Variants in NOX5 observed in about 807,000 individuals in gnomAD.
The protein encoded by NOX5 is NADPH oxidase, EF-hand calcium binding domain 5.
In NOX5, 76 loss-of-function variants were observed where a neutral mutation model predicts 85.7. The observed-to-expected ratio is 0.89, with a 90% confidence interval of 0.74 to 1.07. NOX5 has a LOEUF of 1.07. Among genes scored for constraint, NOX5 ranks in the 50% least tolerant of loss-of-function variants. The pLI is 0.00. For synonymous variants in NOX5, 405 were observed against 401.4 expected, an observed-to-expected ratio of 1.01 and a Z score of -0.11; for missense variants, 973 against 999.5, an observed-to-expected ratio of 0.97 and a Z score of 0.36.
intron 9 of NOX5, among the ~76,000 whole-genome samples, 191 bp downstream of exon 9, chr15:69,039,180 A>G (rs1371169836): frequency 6.6e-6 from 1 of 152,206 alleles, no homozygotes; most frequent in African/African-American, 2.4e-5. Flanking sequence ...TACCAGCTGC[A>G]CTGAAGTCTT....
intron 5 of NOX5, 106 bp downstream of exon 5, chr15:69,033,383 G>A: frequency 7.7e-7 from 1 of 1,296,058 alleles, no homozygotes; most frequent in East Asian, 2.7e-5. Context: ...GCCAGGGCAG[G>A]GTGGCACCTT....
At chr15:69,028,111 T>C (rs2050382252) in intron 2 of NOX5, 104 bp from the exon 3 acceptor site, 1 of 1,294,830 alleles carries the variant, frequency 7.7e-7, no homozygotes, top group Non-Finnish European at 1.1e-6. Flanking sequence ...CACTCTGTGG[T>C]GCACCCCCCC....
chr15:69,049,261 G>C (rs945278348), intron 14 of NOX5, among the ~76,000 whole-genome samples: 5 of 145,748 alleles, frequency 3.4e-5, no homozygotes, highest in Non-Finnish European at 1.5e-5. Flanking sequence ...GCACGATTAT[G>C]GCTCGCTGCA....
intron 1 of NOX5, among the ~76,000 whole-genome samples, chr15:69,016,807 T>C (rs5022642): frequency 4.2e-5 from 6 of 142,726 alleles, no homozygotes; most frequent in Non-Finnish European, 9.1e-5. Context: ...CATATATATA[T>C]ATACATACAT....
rs1299579685 is a variant in NOX5, at chr15:69,061,657, C to A, written c.*4961C>A. ...GGGGAAAAATACTCAACCTGAATGG[C>A]AGAAATGGCTGGAAAGAGACTTGAC... is the stretch of plus-strand genomic sequence containing the variant. On this transcript the variant is annotated 3_prime_UTR_variant, in exon 16 of 16. Transcript: ENST00000388866. The A allele has an allele frequency of 1.3e-5, 2 of 152,180 alleles. No homozygotes were observed. Among genetic ancestry groups the A allele is most frequent in the Non-Finnish European group, 2.9e-5 (2 of 68,028 alleles). The allele number at this position is 152,180 out of a possible 1,614,324, so 9.4% of individuals were successfully genotyped here. A position where few individuals can be genotyped will look rare whatever the true frequency, so the allele number is the denominator to read the frequency against.
Position 69,031,721 on chromosome 15 carries a change from GC to G in NOX5, c.531del (p.Asp178ThrfsTer27). On this transcript the variant is annotated frameshift_variant, in exon 4 of 16. Coordinates refer to ENST00000388866, the MANE Select transcript of NOX5 (RefSeq NM_024505.4). LOFTEE classifies it high-confidence loss of function. ...DQLTLALFES[A>X]DADGNGAITF... The stretch of plus-strand genomic sequence containing the variant: ...GCTGACGCTGGCGCTCTTCGAATCG[GC>G]CGACGCGGACGGCAACGGGGCCATC... 1 of 1,612,980 alleles carries G rather than the reference GC, an allele frequency of 6.2e-7. No individual in the cohort carries two copies. Among genetic ancestry groups the G allele is most frequent in the Non-Finnish European group, 8.5e-7 (1 of 1,179,736 alleles).
At chr15:69,028,024 G>T (rs901904254) in intron 2 of NOX5, among the ~76,000 whole-genome samples, 191 bp from the exon 3 acceptor site, 3 of 152,164 alleles carry the variant, frequency 2.0e-5, no homozygotes, top group African/African-American at 7.2e-5. Context: ...CATCCTTACT[G>T]CAGGGATCGG....
intron 14 of NOX5, 59 bp downstream of exon 14, chr15:69,049,117 T>TA (rs1199123423): frequency 2.8e-6 from 3 of 1,084,482 alleles, no homozygotes; most frequent in South Asian, 1.6e-5. Flanking sequence ...TCAGCTTCTT[T>TA]AAAAAAATAA....
At chr15:69,031,267 GC>G in intron 3 of NOX5, 1 of 536,422 alleles carries the variant, frequency 1.9e-6, no homozygotes, top group Non-Finnish European at 3.3e-6. Flanking sequence ...TATTTTCTGG[GC>G]AGATAGTCTT....
At chr15:69,043,797 G>A (rs76053437) in intron 10 of NOX5, among the ~76,000 whole-genome samples, 3,510 of 152,150 alleles carry the variant, frequency 0.023, 150 homozygotes, top group African/African-American at 0.08. Context: ...ATAAATTGGC[G>A]CAACTTTCTG....
At chr15:69,037,540 A>G in intron 8 of NOX5, 1 of 278,756 alleles carries the variant, frequency 3.6e-6, no homozygotes, top group South Asian at 5.7e-5. Context: ...AAGGTTCTGC[A>G]CTGTCCTGCT....
chr15:69,047,056 C>A, intron 11 of NOX5, 190 bp downstream of exon 11: 1 of 620,292 alleles, frequency 1.6e-6, no homozygotes. Flanking sequence ...CAAGGGTGCT[C>A]AGCCTCACCC....
chr15:69,040,338 A>G lies in NOX5; in HGVS notation c.1504+1349A>G, dbSNP rs556853374. 4.6e-5 allele frequency among the ~76,000 whole-genome samples: 7 copies of G among 152,388 alleles called. 1 individual carries two copies. The highest frequency in any genetic ancestry group is 1.4e-4 in the African/African-American group (6 of 41,590). On this transcript the variant is annotated intron_variant, in intron 9 of 15. Coordinates refer to ENST00000388866, the MANE Select transcript of NOX5 (RefSeq NM_024505.4). ...ATCAAAATATGTACAGAAGAAAATG[A>G]GAATCCTTCAAATAATTTTATCCAA...
chr15:69,055,586 T>C, intron 15 of NOX5, 86 bp downstream of exon 15: 1 of 1,480,558 alleles, frequency 6.8e-7, no homozygotes, highest in East Asian at 2.3e-5. Context: ...GCCCAAGCTG[T>C]CAGGGGCAAA....
intron 10 of NOX5, among the ~76,000 whole-genome samples, chr15:69,045,586 C>CT (rs2050660734): frequency 1.2e-5 from 1 of 84,938 alleles, no homozygotes; most frequent in Non-Finnish European, 2.5e-5. Context: ...TCTTTCTTTT[C>CT]TTTCTTTCTT....
intron 15 of NOX5, 28 bp downstream of exon 15, chr15:69,055,528 G>A: frequency 6.2e-7 from 1 of 1,609,802 alleles, no homozygotes; most frequent in Non-Finnish European, 8.5e-7. Flanking sequence ...CCTGCAGCTT[G>A]CAGGTATGGA....
chr15:69,031,477 C>T, intron 3 of NOX5, 41 bp from the exon 4 acceptor site: 2 of 1,571,452 alleles, frequency 1.3e-6, no homozygotes, highest in South Asian at 1.1e-5. Flanking sequence ...TGGCAGAAAG[C>T]TGGAGGTGGG....
At chr15:69,044,450 A>G (rs2050637299) in intron 10 of NOX5, among the ~76,000 whole-genome samples, 1 of 152,216 alleles carries the variant, frequency 6.6e-6, no homozygotes, top group Non-Finnish European at 1.5e-5. Flanking sequence ...TAGGGATGGG[A>G]AAAGTGCTAT....
chr15:69,033,010 C>G lies in NOX5; in HGVS notation c.621-33C>G, dbSNP rs560139195. On this transcript the variant is annotated intron_variant, in intron 4 of 15. Transcript: ENST00000388866. ...GACACAGGTGGTCCCCGCCCCACCG[C>G]TCGCCTCTGAGCGGAACCCGCCTCT... The G allele has an allele frequency of 4.0e-5, 61 of 1,528,374 alleles. No homozygotes were observed. In the African/African-American group the frequency reaches 8.0e-4, roughly 20 times the overall value. 94.7% of individuals were successfully genotyped at this position (1,528,374 alleles called of 1,614,324 possible). A position where few individuals can be genotyped will look rare whatever the true frequency, so the allele number is the denominator to read the frequency against.
Sources: allele counts gnomAD v4.1 joint callset (sites outside exome capture counted in the v4.1 genomes callset), GRCh38; gene constraint gnomAD v4.1.1; transcripts MANE v1.5; gene names NCBI Gene and HGNC (gene_info 2026-07-23, HGNC 2026-07-21).